The following PARD6A variants were observed in gnomAD, a reference collection of about 807,000 sequenced individuals.
The protein encoded by PARD6A is par-6 family cell polarity regulator alpha.
In PARD6A, 20 loss-of-function variants were observed where a neutral mutation model predicts 21.3. The ratio of observed to expected loss-of-function variants is 0.94; its 90% CI spans 0.66 to 1.36. PARD6A has a LOEUF of 1.36. Ranked by LOEUF, PARD6A falls within the 40% of genes most tolerant of loss-of-function variation. The probability of loss-of-function intolerance (pLI) is 0.00; values close to 1 mark genes in which losing one functional copy is unlikely to be tolerated. For synonymous variants in PARD6A, 214 were observed against 204.8 expected, an observed-to-expected ratio of 1.04 and a Z score of -0.38; for missense variants, 411 against 482.0, an observed-to-expected ratio of 0.85 and a Z score of 1.38.
In PARD6A at chr16:67,661,061, CG is replaced by C. The variant is rs2053005780; in HGVS notation, c.25del (p.Ala9ArgfsTer10). 6.3e-7 allele frequency: 1 copy of C among 1,599,568 alleles called. No homozygotes were observed. Among genetic ancestry groups the C allele is most frequent in the Non-Finnish European group, 8.5e-7 (1 of 1,172,662 alleles). On this transcript the variant is annotated frameshift_variant, in exon 1 of 3. Transcript: ENST00000458121. LOFTEE classifies it high-confidence loss of function. The surrounding 1 kb of genome is among the most constrained non-coding windows in gnomAD (Gnocchi z 7.0). Reference protein sequence around the residue: MARPQRTPARSPDSIVEV... With the variant: MARPQRTXARSPDSIVEV... ...GCCATGGCCCGGCCGCAGAGGACTC[CG>C]GCGCGCAGTCCCGATAGCATCGTCG...
Position 67,662,545 on chromosome 16 carries a change from T to C in PARD6A, c.936T>C (p.His312=). Residue 312 remains histidine (H), a synonymous_variant, in exon 3 of 3, where the codon CAT becomes CAC. Coordinates refer to ENST00000458121, the MANE Select transcript of PARD6A (RefSeq NM_001037281.2). The surrounding 1 kb of genome is among the most constrained non-coding windows in gnomAD (Gnocchi z 6.9). ...PCWDLHPGCR[H]PGTRSSLPSL... ...GGGACCTGCACCCTGGCTGCCGACATCCTGGTACCCGCAGCTCTCTGCCCT... is the reference window on the plus strand; with the variant it reads ...GGGACCTGCACCCTGGCTGCCGACACCCTGGTACCCGCAGCTCTCTGCCCT... The C allele has an allele frequency of 6.2e-7, 1 of 1,613,134 alleles. No individual in the cohort carries two copies. The highest frequency in any genetic ancestry group is 8.5e-7 in the Non-Finnish European group (1 of 1,179,982).
At position 67,661,580 on chromosome 16, in the gene PARD6A, T is replaced by C. The variant is rs139372052; in HGVS notation, c.189T>C (p.Asp63=). The C allele has an allele frequency of 4.0e-3, 6,436 of 1,610,240 alleles. 20 individuals carry two copies. The highest frequency in any genetic ancestry group is 5.1e-3 in the Non-Finnish European group (6,053 of 1,179,928). ...PGLDVLLGYT[D]AHGDLLPLTN... The stretch of plus-strand genomic sequence containing the variant: ...TGGACGTGCTACTTGGCTATACGGA[T>C]GCTCATGGCGACCTGCTGCCCCTCA... The change falls in exon 2 of 3, where the codon GAT becomes GAC. Residue 63 remains aspartate, a synonymous_variant. Coordinates refer to ENST00000458121, the MANE Select transcript of PARD6A (RefSeq NM_001037281.2). The surrounding 1 kb of genome is among the most constrained non-coding windows in gnomAD (Gnocchi z 7.0).
chr16:67,661,109 C>A lies in PARD6A; in HGVS notation c.63+8C>A. 1.9e-6 allele frequency: 3 copies of A among 1,606,056 alleles called. No homozygotes were observed. The highest frequency in any genetic ancestry group is 2.6e-6 in the Non-Finnish European group (3 of 1,174,046). ...GTCGAGGTGAAGAGCAAAGTAAGGG[C>A]TCCTCCGGCCTCGGCCCTAGGCGCT... On this transcript the variant is annotated splice_region_variant and intron_variant, in intron 1 of 2. Transcript: ENST00000458121. This position sits in a 1 kb window ranked among gnomAD's most constrained non-coding sequence, Gnocchi z 7.0.
Position 67,661,917 on chromosome 16 carries a change from C to G in PARD6A, c.308C>G (p.Ala103Gly). ...QKREADSSGLAFASNSLQRRK... is the reference protein window; with the variant it reads ...QKREADSSGLGFASNSLQRRK... ...GCAGAAGCTGACTCCAGCGGCCTGG[C>G]TTTTGCCTCCAACTCTCTGCAGCGG... The change falls in exon 3 of 3, where the codon GCT becomes GGT. Residue 103 changes from alanine to glycine, a missense_variant. Coordinates refer to ENST00000458121, the MANE Select transcript of PARD6A (RefSeq NM_001037281.2). The surrounding 1 kb of genome is among the most constrained non-coding windows in gnomAD (Gnocchi z 7.0). 6.2e-7 allele frequency: 1 copy of G among 1,602,266 alleles called. No individual in the cohort carries two copies. The highest frequency in any genetic ancestry group is 1.1e-5 in the South Asian group (1 of 90,366).
chr16:67,661,132 G>A lies in PARD6A; in HGVS notation c.63+31G>A. On this transcript the variant is annotated intron_variant, in intron 1 of 2. Transcript: ENST00000458121. The surrounding 1 kb of genome is among the most constrained non-coding windows in gnomAD (Gnocchi z 7.0). Reference sequence around the variant, plus strand: ...GGCTCCTCCGGCCTCGGCCCTAGGCGCTCCCAATTCCCTCTTTCTCCCCTT... The same window carrying A: ...GGCTCCTCCGGCCTCGGCCCTAGGCACTCCCAATTCCCTCTTTCTCCCCTT... 1 of 1,565,152 alleles carries A rather than the reference G, an allele frequency of 6.4e-7. No homozygotes were observed. The highest frequency in any genetic ancestry group is 8.8e-7 in the Non-Finnish European group (1 of 1,137,006).
Position 67,661,577 on chromosome 16 carries a change from G to A in PARD6A, c.186G>A (p.Thr62=), listed in dbSNP as rs775590382. 2 of 1,610,268 alleles carry A rather than the reference G, an allele frequency of 1.2e-6. No individual in the cohort carries two copies. The highest frequency in any genetic ancestry group is 2.2e-5 in the East Asian group (1 of 44,882). Residue 62 remains threonine, a synonymous_variant, in exon 2 of 3, where the codon ACG becomes ACA. Coordinates refer to ENST00000458121, the MANE Select transcript of PARD6A (RefSeq NM_001037281.2). The surrounding 1 kb of genome is among the most constrained non-coding windows in gnomAD (Gnocchi z 7.0). ...GCCTGGACGTGCTACTTGGCTATAC[G>A]GATGCTCATGGCGACCTGCTGCCCC... The part of the protein sequence containing the change: ...IPGLDVLLGY[T]DAHGDLLPLT...
rs749694197 is a variant in PARD6A at position 67,662,082 on chromosome 16, G to A, written c.473G>A (p.Arg158Gln). Residue 158 changes from arginine (R) to glutamine (Q), a missense_variant, in exon 3 of 3, where the codon CGG becomes CAG. Transcript: ENST00000458121. The surrounding 1 kb of genome is among the most constrained non-coding windows in gnomAD (Gnocchi z 6.9). ...CTGCCTGAGACCCACCGACGGGTGCGGCTGCACAAGCATGGTTCAGACCGC... is the reference window on the plus strand; with the variant it reads ...CTGCCTGAGACCCACCGACGGGTGCAGCTGCACAAGCATGGTTCAGACCGC... ...DLLPETHRRV[R>Q]LHKHGSDRPL... The A allele has an allele frequency of 1.2e-5, 20 of 1,613,704 alleles. No individual in the cohort carries two copies. Among genetic ancestry groups the A allele is most frequent in the South Asian group, 3.3e-5 (3 of 91,090 alleles).
rs771388310 is a variant in PARD6A at position 67,661,864 on chromosome 16, C to T, written c.287-32C>T. The T allele has an allele frequency of 2.6e-5, 41 of 1,551,138 alleles. No individual in the cohort carries two copies. In the South Asian group the frequency reaches 4.7e-4, roughly 18 times the overall value. ...ACAGCCCAAGTCGGGGAGCAGGTCT[C>T]TGATCTCAACATCCCCCCTCTTCTG... On this transcript the variant is annotated intron_variant, in intron 2 of 2. Coordinates refer to ENST00000458121, the MANE Select transcript of PARD6A (RefSeq NM_001037281.2). This position sits in a 1 kb window ranked among gnomAD's most constrained non-coding sequence, Gnocchi z 7.0.
chr16:67,662,686 G>T lies in PARD6A; in HGVS notation c.*39G>T. ...GCCCCATGCCACTCCACACTGCTGG[G>T]ACATGGCAGGGACTTCACAGTGGGG... On this transcript the variant is annotated 3_prime_UTR_variant, in exon 3 of 3. Transcript: ENST00000458121. The surrounding 1 kb of genome is among the most constrained non-coding windows in gnomAD (Gnocchi z 6.9). 1 of 1,490,338 alleles carries T rather than the reference G, an allele frequency of 6.7e-7. No homozygotes were observed. Among genetic ancestry groups the T allele is most frequent in the South Asian group, 1.4e-5 (1 of 73,822 alleles). 92.3% of individuals were successfully genotyped at this position (1,490,338 alleles called of 1,614,324 possible). A position where few individuals can be genotyped will look rare whatever the true frequency, so the allele number is the denominator to read the frequency against.
chr16:67,661,281 G>A lies in PARD6A; in HGVS notation c.64-174G>A, dbSNP rs1428831119. On this transcript the variant is annotated intron_variant, in intron 1 of 2. Coordinates refer to ENST00000458121, the MANE Select transcript of PARD6A (RefSeq NM_001037281.2). This position sits in a 1 kb window ranked among gnomAD's most constrained non-coding sequence, Gnocchi z 7.0. ...TGGTCTCCAGCTCTCTGTGGCCTGA[G>A]TACCTGGAGGGCGGTAAGAAGACCT... 4.4e-5 allele frequency: 45 copies of A among 1,034,470 alleles called. No individual in the cohort carries two copies. In the East Asian group the frequency reaches 1.1e-3, roughly 26 times the overall value. 64.1% of individuals were successfully genotyped at this position (1,034,470 alleles called of 1,614,324 possible). A position where few individuals can be genotyped will look rare whatever the true frequency, so the allele number is the denominator to read the frequency against.
chr16:67,662,500 G>A lies in PARD6A; in HGVS notation c.891G>A (p.Leu297=). The change falls in exon 3 of 3, where the codon CTG becomes CTA. Residue 297 remains leucine (L), a synonymous_variant. Transcript: ENST00000458121. This position sits in a 1 kb window ranked among gnomAD's most constrained non-coding sequence, Gnocchi z 6.9. ...ENRQPPSSNG[L]SQGPPCWDLH... ...GCCAGCCTCCCAGTTCCAATGGGCT[G>A]TCTCAGGGGCCCCCGTGCTGGGACC... The A allele has an allele frequency of 1.2e-6, 2 of 1,613,570 alleles. No homozygotes were observed. The highest frequency in any genetic ancestry group is 1.7e-6 in the Non-Finnish European group (2 of 1,180,016).
In PARD6A at chr16:67,661,830, C is replaced by T. The variant is rs1031117174; in HGVS notation, c.287-66C>T. 6.5e-6 allele frequency: 10 copies of T among 1,536,362 alleles called. No individual in the cohort carries two copies. Among genetic ancestry groups the T allele is most frequent in the Non-Finnish European group, 8.7e-6 (10 of 1,148,656 alleles). ...AAGTGGTAGGAAATAGCTACAGTGCCCCCTGTAAACAGCCCAAGTCGGGGA... is the reference window on the plus strand; with the variant it reads ...AAGTGGTAGGAAATAGCTACAGTGCTCCCTGTAAACAGCCCAAGTCGGGGA... On this transcript the variant is annotated intron_variant, in intron 2 of 2. Transcript: ENST00000458121. The surrounding 1 kb of genome is among the most constrained non-coding windows in gnomAD (Gnocchi z 7.0).
Position 67,661,062 on chromosome 16 carries a change from G to T in PARD6A, c.24G>T (p.Pro8=), listed in dbSNP as rs371831536. The change falls in exon 1 of 3, where the codon CCG becomes CCT. Residue 8 remains proline, a synonymous_variant. Coordinates refer to ENST00000458121, the MANE Select transcript of PARD6A (RefSeq NM_001037281.2). This position sits in a 1 kb window ranked among gnomAD's most constrained non-coding sequence, Gnocchi z 7.0. MARPQRT[P]ARSPDSIVEV... The stretch of plus-strand genomic sequence containing the variant: ...CCATGGCCCGGCCGCAGAGGACTCC[G>T]GCGCGCAGTCCCGATAGCATCGTCG... 3 of 1,598,628 alleles carry T rather than the reference G, an allele frequency of 1.9e-6. No individual in the cohort carries two copies. Among genetic ancestry groups the T allele is most frequent in the South Asian group, 1.1e-5 (1 of 90,434 alleles).
chr16:67,661,037 C>T lies in PARD6A; in HGVS notation c.-2C>T. 6.4e-7 allele frequency: 1 copy of T among 1,557,898 alleles called. No individual in the cohort carries two copies. Among genetic ancestry groups the T allele is most frequent in the South Asian group, 1.1e-5 (1 of 87,916 alleles). ...ACCGTCCCCGGCCCGCCCGGCCCCG[C>T]CATGGCCCGGCCGCAGAGGACTCCG... On this transcript the variant is annotated 5_prime_UTR_variant, in exon 1 of 3. Coordinates refer to ENST00000458121, the MANE Select transcript of PARD6A (RefSeq NM_001037281.2). This position sits in a 1 kb window ranked among gnomAD's most constrained non-coding sequence, Gnocchi z 7.0.
rs2053033407 is a variant in PARD6A, at chr16:67,662,233, G to A, written c.624G>A (p.Leu208=). The A allele has an allele frequency of 1.2e-6, 2 of 1,614,136 alleles. No homozygotes were observed. The highest frequency in any genetic ancestry group is 3.3e-5 in the Admixed American group (2 of 60,032). Residue 208 remains leucine (L), a synonymous_variant, in exon 3 of 3, where the codon CTG becomes CTA. Transcript: ENST00000458121. The surrounding 1 kb of genome is among the most constrained non-coding windows in gnomAD (Gnocchi z 6.9). ...RGGLAESTGL[L]AVSDEILEVN... is the part of the protein sequence containing the mutation. ...GTCTGGCTGAGAGTACAGGGCTGCT[G>A]GCGGTCAGTGATGAGATCCTCGAGG...
Position 67,662,505 on chromosome 16 carries a change from A to ATT in PARD6A, c.896_897insTT (p.Gln299HisfsTer85). 1 of 1,613,472 alleles carries ATT rather than the reference A, an allele frequency of 6.2e-7. No homozygotes were observed. The highest frequency in any genetic ancestry group is 2.2e-5 in the East Asian group (1 of 44,876). On this transcript the variant is annotated frameshift_variant, in exon 3 of 3. Coordinates refer to ENST00000458121, the MANE Select transcript of PARD6A (RefSeq NM_001037281.2). LOFTEE classifies it high-confidence loss of function. The surrounding 1 kb of genome is among the most constrained non-coding windows in gnomAD (Gnocchi z 6.9). Reference sequence around the variant, plus strand: ...CCTCCCAGTTCCAATGGGCTGTCTCAGGGGCCCCCGTGCTGGGACCTGCAC... The same window carrying ATT: ...CCTCCCAGTTCCAATGGGCTGTCTCATTGGGGCCCCCGTGCTGGGACCTGCAC...
At position 67,662,742 on chromosome 16, in the gene PARD6A, C is replaced by A; in HGVS notation, c.*95C>A. On this transcript the variant is annotated 3_prime_UTR_variant, in exon 3 of 3. Coordinates refer to ENST00000458121, the MANE Select transcript of PARD6A (RefSeq NM_001037281.2). The surrounding 1 kb of genome is among the most constrained non-coding windows in gnomAD (Gnocchi z 6.9). ...TAGCTGGCTCACAGGGCTCCCTCAG[C>A]CTGGGGAACATTAAAGGTTTTCTAC... is the stretch of plus-strand genomic sequence containing the variant. 1 of 1,172,804 alleles carries A rather than the reference C, an allele frequency of 8.5e-7. No individual in the cohort carries two copies. Among genetic ancestry groups the A allele is most frequent in the Non-Finnish European group, 1.2e-6 (1 of 857,950 alleles). 72.6% of individuals were successfully genotyped at this position (1,172,804 alleles called of 1,614,324 possible). A position where few individuals can be genotyped will look rare whatever the true frequency, so the allele number is the denominator to read the frequency against.
At position 67,661,135 on chromosome 16, in the gene PARD6A, C is replaced by A; in HGVS notation, c.63+34C>A. On this transcript the variant is annotated intron_variant, in intron 1 of 2. Transcript: ENST00000458121. The surrounding 1 kb of genome is among the most constrained non-coding windows in gnomAD (Gnocchi z 7.0). ...TCCTCCGGCCTCGGCCCTAGGCGCT[C>A]CCAATTCCCTCTTTCTCCCCTTCCC... is the stretch of plus-strand genomic sequence containing the variant. 1 of 1,554,324 alleles carries A rather than the reference C, an allele frequency of 6.4e-7. No individual in the cohort carries two copies. Among genetic ancestry groups the A allele is most frequent in the Non-Finnish European group, 8.9e-7 (1 of 1,126,864 alleles).
At position 67,662,256 on chromosome 16, in the gene PARD6A, AGGTCAATGGCATTGAAGTAGCCG is replaced by A. The variant is rs771818424; in HGVS notation, c.650_672del (p.Val217GlufsTer16). On this transcript the variant is annotated frameshift_variant, in exon 3 of 3. Coordinates refer to ENST00000458121, the MANE Select transcript of PARD6A (RefSeq NM_001037281.2). LOFTEE classifies it high-confidence loss of function. The surrounding 1 kb of genome is among the most constrained non-coding windows in gnomAD (Gnocchi z 6.9). Reference sequence around the variant, plus strand: ...CTGGCGGTCAGTGATGAGATCCTCGAGGTCAATGGCATTGAAGTAGCCGGGAAGACCTTGGACCAAGTGACGGA... The same window carrying A: ...CTGGCGGTCAGTGATGAGATCCTCGAGGAAGACCTTGGACCAAGTGACGGA... 6.2e-7 allele frequency: 1 copy of A among 1,614,138 alleles called. No individual in the cohort carries two copies. Among genetic ancestry groups the A allele is most frequent in the Non-Finnish European group, 8.5e-7 (1 of 1,180,034 alleles).
Sources: allele counts gnomAD v4.1 joint callset, GRCh38; gene constraint gnomAD v4.1.1; non-coding constraint Gnocchi (gnomAD v3.1); transcripts MANE v1.5; gene names NCBI Gene and HGNC (gene_info 2026-07-23, HGNC 2026-07-21).